The following KCNJ6 variants were observed in gnomAD, a reference collection of about 807,000 sequenced individuals.
The protein encoded by KCNJ6 is G protein-activated inward rectifier potassium channel 2.
Under a neutral mutation model 34.2 loss-of-function variants are expected in KCNJ6, and 9 were observed. The observed-to-expected ratio is 0.26, with a 90% CI of 0.16 to 0.46. KCNJ6 has a LOEUF of 0.46. KCNJ6 is among the 20% of genes least tolerant of loss of function. KCNJ6 has a pLI of 1.00. For missense variants in KCNJ6, 236 were observed against 531.3 expected, an observed-to-expected ratio of 0.44 and a Z score of 5.46; for synonymous variants, 196 against 207.1, an observed-to-expected ratio of 0.95 and a Z score of 0.46.
At chr21:37,914,738 C>G (rs545303385) in intron 1 of KCNJ6, among the ~76,000 whole-genome samples, 6 of 152,166 alleles carry the variant, frequency 3.9e-5, no homozygotes, top group African/African-American at 4.8e-5. Flanking sequence ...TGGGCATCAC[C>G]CTTTTCCGTT....
chr21:37,689,723 T>G (rs2054631267), intron 3 of KCNJ6, among the ~76,000 whole-genome samples: 1 of 152,166 alleles, frequency 6.6e-6, no homozygotes, highest in East Asian at 1.9e-4. Context: ...ATGTTTATGT[T>G]GAAACTCATG....
chr21:37,752,120 T>C (rs893222286), intron 2 of KCNJ6, among the ~76,000 whole-genome samples: 1 of 152,190 alleles, frequency 6.6e-6, no homozygotes, highest in African/African-American at 2.4e-5. Context: ...TTCAGGAATC[T>C]TGGATCTGTC....
At chr21:37,664,249 G>T (rs2054503680) in intron 3 of KCNJ6, among the ~76,000 whole-genome samples, 1 of 151,830 alleles carries the variant, frequency 6.6e-6, no homozygotes, top group Non-Finnish European at 1.5e-5. Flanking sequence ...AAAAAAAGAA[G>T]AAAGAAAAAT....
intron 2 of KCNJ6, among the ~76,000 whole-genome samples, chr21:37,796,648 G>A (rs1365663923): frequency 6.6e-6 from 1 of 152,134 alleles, no homozygotes; most frequent in African/African-American, 2.4e-5. Context: ...TGGGCCTCCT[G>A]GAAGACCAAC....
At chr21:37,894,153 A>T (rs1169915783) in intron 1 of KCNJ6, among the ~76,000 whole-genome samples, 4 of 152,198 alleles carry the variant, frequency 2.6e-5, no homozygotes, top group Non-Finnish European at 4.4e-5. Context: ...TCCTTCTTTG[A>T]TATCTGTCTA....
intron 1 of KCNJ6, among the ~76,000 whole-genome samples, chr21:37,869,935 GGTGCTATAGATAGTAGGAA>G (rs1424824225): frequency 1.3e-5 from 2 of 152,128 alleles, no homozygotes; most frequent in Non-Finnish European, 2.9e-5. Flanking sequence ...CAAGGGGTGG[GGTGCTATAGATAGTAGGAA>G]GTGAAAAGCA....
chr21:37,850,917 A>G (rs1284496356), intron 1 of KCNJ6, among the ~76,000 whole-genome samples: 1 of 152,172 alleles, frequency 6.6e-6, no homozygotes, highest in East Asian at 1.9e-4. Flanking sequence ...ACTATTTGTC[A>G]TGCTTCACCT....
intron 3 of KCNJ6, among the ~76,000 whole-genome samples, chr21:37,629,218 G>T (rs1037247169): frequency 6.6e-6 from 1 of 152,064 alleles, no homozygotes; most frequent in African/African-American, 2.4e-5. Context: ...TGATTTTAAG[G>T]TTATTCCATT....
intron 1 of KCNJ6, among the ~76,000 whole-genome samples, chr21:37,878,017 A>G (rs2123619772): frequency 6.6e-6 from 1 of 152,340 alleles, no homozygotes; most frequent in South Asian, 2.1e-4. Context: ...TAATTCTGAG[A>G]GTACACTCCA....
At chr21:37,764,179 G>C (rs1016654486) in intron 2 of KCNJ6, among the ~76,000 whole-genome samples, 9 of 152,096 alleles carry the variant, frequency 5.9e-5, no homozygotes, top group African/African-American at 2.2e-4. Flanking sequence ...TTGAGGGTCT[G>C]GTAATGCAAG....
chr21:37,711,977 C>T (rs1272355617), intron 3 of KCNJ6, among the ~76,000 whole-genome samples: 1 of 152,108 alleles, frequency 6.6e-6, no homozygotes, highest in African/African-American at 2.4e-5. Context: ...TGTTAATTAC[C>T]AAGAAAACCA....
chr21:37,814,778 G>A (rs1016378172), intron 2 of KCNJ6, among the ~76,000 whole-genome samples: 4 of 151,496 alleles, frequency 2.6e-5, no homozygotes, highest in African/African-American at 9.7e-5. Flanking sequence ...GGCGCCTGTA[G>A]TCCCAGCTAC....
intron 2 of KCNJ6, among the ~76,000 whole-genome samples, chr21:37,809,032 C>T (rs1048674979): frequency 2.0e-5 from 3 of 152,164 alleles, no homozygotes; most frequent in Non-Finnish European, 4.4e-5. Flanking sequence ...TGGGTATATA[C>T]CCAAAGGATT....
intron 3 of KCNJ6, among the ~76,000 whole-genome samples, chr21:37,664,553 C>A (rs933118432): frequency 1.1e-4 from 16 of 151,706 alleles, no homozygotes; most frequent in Non-Finnish European, 1.6e-4. Context: ...GAATTCATAC[C>A]AGCAAATTGG....
In KCNJ6 at chr21:37,617,057, CTTTTCTTTTCT is replaced by C. The variant is rs1569430082; in HGVS notation, c.*8091_*8101del. The C allele has an allele frequency of 1.9e-5, 1 of 53,358 alleles. No homozygotes were observed. 3.3% of individuals were successfully genotyped at this position (53,358 alleles called of 1,614,324 possible). A position where few individuals can be genotyped will look rare whatever the true frequency, so the allele number is the denominator to read the frequency against. ...CTTTCTTTCTTTCTTTCTTTCTTTT[CTTTTCTTTTCT>C]TTTCTTTTCTTTCTTTTTCTTTCTT... On this transcript the variant is annotated 3_prime_UTR_variant, in exon 4 of 4. Coordinates refer to ENST00000609713, the MANE Select transcript of KCNJ6 (RefSeq NM_002240.5).
chr21:37,803,743 G>A (rs1443294773), intron 2 of KCNJ6, among the ~76,000 whole-genome samples: 1 of 152,062 alleles, frequency 6.6e-6, no homozygotes, highest in Non-Finnish European at 1.5e-5. Context: ...ATGAACACAC[G>A]ACACCTACCT....
intron 1 of KCNJ6, among the ~76,000 whole-genome samples, chr21:37,856,265 C>T (rs2055564994): frequency 6.6e-6 from 1 of 152,198 alleles, no homozygotes; most frequent in African/African-American, 2.4e-5. Flanking sequence ...GCCACATTCC[C>T]TAGTGAGATG....
chr21:37,655,220 TGTGTGAGAGAGAGAGAGA>T (rs2054455706), intron 3 of KCNJ6, among the ~76,000 whole-genome samples: 1 of 8,914 alleles, frequency 1.1e-4, no homozygotes, highest in East Asian at 8.9e-3. Context: ...TGTGTGTGTG[TGTGTGAGAGAGAGAGAGA>T]GAGAGAGAGA....
At chr21:37,866,679 T>C (rs529007824) in intron 1 of KCNJ6, among the ~76,000 whole-genome samples, 1 of 152,250 alleles carries the variant, frequency 6.6e-6, no homozygotes, top group African/African-American at 2.4e-5. Context: ...AAAGGGTCCA[T>C]TGGCAATTCC....
Sources: gnomAD v4.1 joint callset for allele counts (sites outside exome capture counted in the v4.1 genomes callset) on GRCh38, gnomAD v4.1.1 for gene constraint, MANE v1.5 for transcripts, NCBI Gene and HGNC (gene_info 2026-07-23, HGNC 2026-07-21) for gene names.